SARNP: variants seen among roughly 807,000 people sequenced by gnomAD.
The protein encoded by SARNP is SAP domain-containing ribonucleoprotein.
Under a neutral mutation model 38.1 loss-of-function variants are expected in SARNP, and 5 were observed. The ratio of observed to expected loss-of-function variants is 0.13; its 90% CI spans 0.07 to 0.28. The LOEUF (loss-of-function observed/expected upper bound fraction) is 0.28. SARNP is among the 10% of genes least tolerant of loss of function. The pLI, the probability that SARNP is intolerant of heterozygous loss-of-function variation, is 1.00. For missense variants in SARNP, 180 were observed against 243.9 expected (o/e 0.74, Z 1.75); for synonymous variants, 84 against 80.6 (o/e 1.04, Z -0.23).
intron 9 of SARNP, among the ~76,000 whole-genome samples, chr12:55,777,861 C>T (rs957596222): frequency 1.3e-5 from 2 of 152,162 alleles, no homozygotes; most frequent in Non-Finnish European, 2.9e-5. Context: ...CATTGTCTAG[C>T]GCCCTAGTTA....
chr12:55,790,432 A>G (rs1879631150), intron 8 of SARNP, 135 bp downstream of exon 8: 1 of 993,394 alleles, frequency 1.0e-6, no homozygotes, highest in Admixed American at 3.7e-5. Context: ...AATTCAAGAC[A>G]TACAACATTG....
chr12:55,817,592 G>T, intron 1 of SARNP, 74 bp downstream of exon 1: 1 of 1,423,474 alleles, frequency 7.0e-7, no homozygotes, highest in South Asian at 1.2e-5. Flanking sequence ...GAAGACGTAG[G>T]AGAAGGCGCA....
Position 55,774,504 on chromosome 12 carries a change from T to C in SARNP, c.502-13864A>G, listed in dbSNP as rs1301282828. Among the ~76,000 whole-genome samples, 14 of 146,912 alleles carry C rather than the reference T, an allele frequency of 9.5e-5. 2 individuals are homozygous for C. The Middle Eastern group carries it at 0.028, about 291-fold the overall frequency. On this transcript the variant is annotated intron_variant, in intron 9 of 10. Transcript: ENST00000336133. ...GGAGGCCTACGTGGGTGGATCACTTTGAGGTCAAGAGTTCAAGACCAGCCT... is the reference window on the plus strand; with the variant it reads ...GGAGGCCTACGTGGGTGGATCACTTCGAGGTCAAGAGTTCAAGACCAGCCT...
intron 9 of SARNP, among the ~76,000 whole-genome samples, chr12:55,772,562 T>A (rs1006277202): frequency 1.3e-5 from 2 of 152,092 alleles, no homozygotes; most frequent in Non-Finnish European, 2.9e-5. Flanking sequence ...GCAGAGGAAA[T>A]GAAGGTGTCA....
Position 55,771,040 on chromosome 12 carries a change from T to G in SARNP, c.502-10400A>C, listed in dbSNP as rs34915004. Among the ~76,000 whole-genome samples the G allele has an allele frequency of 3.4e-3, 523 of 151,638 alleles. 4 individuals are homozygous for G. The highest frequency in any genetic ancestry group is 4.3e-3 in the Non-Finnish European group (289 of 67,924). On this transcript the variant is annotated intron_variant, in intron 9 of 10. Coordinates refer to ENST00000336133, the MANE Select transcript of SARNP (RefSeq NM_033082.4). The stretch of plus-strand genomic sequence containing the variant: ...GCAACCTCTCCTTCCCGGGTTCAAG[T>G]GATTCTCCTGCCTCAGCCTCCCAAG...
At chr12:55,794,257 T>G (rs1879756131) in intron 7 of SARNP, 102 bp downstream of exon 7, 1 of 1,050,222 alleles carries the variant, frequency 9.5e-7, no homozygotes, top group African/African-American at 1.6e-5. Context: ...AAAGAGTTTC[T>G]ACAGCTAGCA....
chr12:55,756,919 C>T (rs749974028), downstream of SARNP: 7 of 152,206 alleles, frequency 4.6e-5, no homozygotes, highest in Non-Finnish European at 1.0e-4. Context: ...AAAAAGTCTG[C>T]ATTATTAGCT....
At chr12:55,786,128 G>A (rs1879485978) in intron 9 of SARNP, among the ~76,000 whole-genome samples, 1 of 152,204 alleles carries the variant, frequency 6.6e-6, no homozygotes, top group Non-Finnish European at 1.5e-5. Context: ...GGGAAGGGAA[G>A]AGAAAGACCT....
chr12:55,797,910 C>A (rs953936010), intron 4 of SARNP, among the ~76,000 whole-genome samples: 1 of 152,180 alleles, frequency 6.6e-6, no homozygotes, highest in East Asian at 1.9e-4. Flanking sequence ...CTTCAATTTC[C>A]TTGTTTCAAA....
rs1014994104 is a variant in SARNP, at chr12:55,794,371, C to A, written c.394G>T (p.Val132Phe). The A allele has an allele frequency of 2.5e-6, 4 of 1,607,406 alleles. No homozygotes were observed. The highest frequency in any genetic ancestry group is 3.4e-6 in the Non-Finnish European group (4 of 1,178,314). ...TCTGTACTCTTACCTTTTGTTGGAACTGAAGAAATCCCAAACCTGAAGAAG... is the reference window on the plus strand; with the variant it reads ...TCTGTACTCTTACCTTTTGTTGGAAATGAAGAAATCCCAAACCTGAAGAAG... The part of the protein sequence containing the change: ...ARAARFGISS[V>F]PTKGLSSDNK... The change falls in exon 7 of 11, where the codon GTT becomes TTT. Residue 132 changes from valine to phenylalanine, a missense_variant. Val to Phe is a conservative substitution (Grantham distance 50). Transcript: ENST00000336133.
chr12:55,779,184 T>G (rs1274020955), intron 9 of SARNP, among the ~76,000 whole-genome samples: 2 of 152,194 alleles, frequency 1.3e-5, no homozygotes, highest in African/African-American at 4.8e-5. Context: ...TGTTGGTTAA[T>G]CTAAGTTGAA....
At chr12:55,772,695 G>C (rs1008157113) in intron 9 of SARNP, among the ~76,000 whole-genome samples, 1 of 148,816 alleles carries the variant, frequency 6.7e-6, no homozygotes, top group African/African-American at 2.5e-5. Flanking sequence ...CAAGAAGTCA[G>C]TAGAGGGAAG....
chr12:55,789,546 C>G (rs186410694), intron 8 of SARNP, among the ~76,000 whole-genome samples: 271 of 152,340 alleles, frequency 1.8e-3, no homozygotes, highest in Admixed American at 3.7e-3. Context: ...GAAACTATCA[C>G]GGAAGCACCT....
intron 9 of SARNP, among the ~76,000 whole-genome samples, chr12:55,782,779 A>G (rs1879377318): frequency 6.6e-6 from 1 of 152,124 alleles, no homozygotes; most frequent in Admixed American, 6.5e-5. Flanking sequence ...TTTATAGAAG[A>G]CAGGGTCTCA....
intron 7 of SARNP, chr12:55,794,017 T>C (rs190900909): frequency 5.7e-5 from 13 of 227,194 alleles, no homozygotes; most frequent in Non-Finnish European, 8.6e-5. Flanking sequence ...TTCCCTTTTA[T>C]CACTTATAAT....
intron 1 of SARNP, among the ~76,000 whole-genome samples, chr12:55,808,599 A>AT (rs576079438): frequency 1.3e-5 from 2 of 150,136 alleles, no homozygotes; most frequent in South Asian, 2.1e-4. Context: ...GCCCAGCCAA[A>AT]TTTTTTTTTT....
At chr12:55,768,819 G>C (rs1429412593) in intron 9 of SARNP, among the ~76,000 whole-genome samples, 1 of 152,082 alleles carries the variant, frequency 6.6e-6, no homozygotes, top group Non-Finnish European at 1.5e-5. Context: ...CGTCTCCTGG[G>C]TTTAAGCGAT....
At chr12:55,775,053 ATT>A (rs1343707241) in intron 9 of SARNP, among the ~76,000 whole-genome samples, 1 of 149,686 alleles carries the variant, frequency 6.7e-6, no homozygotes, top group African/African-American at 2.5e-5. Flanking sequence ...CACCCGACTA[ATT>A]TTTTTGTATT....
At chr12:55,794,242 CTCTTAAAGAGTT>C (rs1317049680) in intron 7 of SARNP, 105 bp downstream of exon 7, 2 of 911,166 alleles carry the variant, frequency 2.2e-6, no homozygotes, top group African/African-American at 1.7e-5. Context: ...ATGTTACAAT[CTCTTAAAGAGTT>C]TCTACAGCTA....
Sources: gnomAD v4.1 joint callset for allele counts (sites outside exome capture counted in the v4.1 genomes callset) on GRCh38, gnomAD v4.1.1 for gene constraint, MANE v1.5 for transcripts, NCBI Gene and HGNC (gene_info 2026-07-23, HGNC 2026-07-21) for gene names.